The following NPFFR2 variants were observed in gnomAD, a reference collection of about 807,000 sequenced individuals.
The protein encoded by NPFFR2 is neuropeptide FF receptor 2.
In NPFFR2, 15 loss-of-function variants were observed where a neutral mutation model predicts 13.1. That is an observed-to-expected ratio of 1.15 (90% confidence interval 0.77 to 1.76). The LOEUF is 1.76. Ranked by LOEUF, NPFFR2 falls within the 40% of genes most tolerant of loss-of-function variation. NPFFR2 has a pLI of 0.00. For synonymous variants in NPFFR2, 190 were observed against 175.7 expected, an observed-to-expected ratio of 1.08 and a Z score of -0.65; for missense variants, 572 against 503.5, an observed-to-expected ratio of 1.14 and a Z score of -1.30.
chr4:72,081,399 A>G (rs898374817), intron 1 of NPFFR2, among the ~76,000 whole-genome samples: 5 of 151,852 alleles, frequency 3.3e-5, no homozygotes, highest in Non-Finnish European at 4.4e-5. Context: ...TCCATATTCC[A>G]TTATGTTTCT....
chr4:72,136,219 G>A (rs902930073), intron 2 of NPFFR2, among the ~76,000 whole-genome samples: 1 of 152,096 alleles, frequency 6.6e-6, no homozygotes, highest in African/African-American at 2.4e-5. Flanking sequence ...AATAACTGGT[G>A]TGGTGGACTG....
intron 1 of NPFFR2, among the ~76,000 whole-genome samples, chr4:72,045,894 A>AT (rs1719365030): frequency 6.6e-6 from 1 of 152,162 alleles, no homozygotes; most frequent in African/African-American, 2.4e-5. Context: ...AGTAATGAAG[A>AT]TTTTTACTTG....
intron 1 of NPFFR2, among the ~76,000 whole-genome samples, chr4:72,062,544 G>A (rs535503067): frequency 1.3e-4 from 19 of 151,518 alleles, no homozygotes; most frequent in Admixed American, 6.6e-4. Context: ...AAAAGAAGTC[G>A]TGAGTCTTCA....
chr4:72,062,156 G>A (rs1333948514), intron 1 of NPFFR2, among the ~76,000 whole-genome samples: 7 of 151,808 alleles, frequency 4.6e-5, no homozygotes, highest in Non-Finnish European at 1.0e-4. Context: ...TTATGTTTGA[G>A]GCTAAATATA....
intron 2 of NPFFR2, among the ~76,000 whole-genome samples, chr4:72,132,409 T>A (rs987574858): frequency 7.9e-5 from 12 of 152,220 alleles, no homozygotes; most frequent in African/African-American, 2.9e-4. Flanking sequence ...TGATGGGTAT[T>A]TAGATTGATT....
chr4:72,040,590 A>G (rs1719180288), intron 1 of NPFFR2, among the ~76,000 whole-genome samples: 1 of 152,102 alleles, frequency 6.6e-6, no homozygotes, highest in South Asian at 2.1e-4. Context: ...TTCTTCACAA[A>G]TGTTCTTAGC....
chr4:72,058,627 C>T (rs1201772789), intron 1 of NPFFR2, among the ~76,000 whole-genome samples: 1 of 151,982 alleles, frequency 6.6e-6, no homozygotes, highest in African/African-American at 2.4e-5. Context: ...GAAAATAAGA[C>T]AACTTCTGGA....
chr4:72,146,790 G>T (rs777011891), intron 3 of NPFFR2, among the ~76,000 whole-genome samples, 188 bp from the exon 4 acceptor site: 1 of 152,038 alleles, frequency 6.6e-6, no homozygotes, highest in African/African-American at 2.4e-5. Context: ...TTCAAATTTT[G>T]AATTAAAATT....
chr4:72,050,515 A>C (rs1001228444), intron 1 of NPFFR2, among the ~76,000 whole-genome samples: 3 of 151,952 alleles, frequency 2.0e-5, no homozygotes, highest in Non-Finnish European at 4.4e-5. Context: ...GCAGCAATAA[A>C]ATACCAAATT....
At chr4:72,050,666 G>C (rs1719522002) in intron 1 of NPFFR2, among the ~76,000 whole-genome samples, 1 of 151,810 alleles carries the variant, frequency 6.6e-6, no homozygotes, top group South Asian at 2.1e-4. Flanking sequence ...ACAATGTGCA[G>C]GTTAGTTACA....
chr4:72,049,877 A>G (rs947576354), intron 1 of NPFFR2, among the ~76,000 whole-genome samples: 13 of 151,984 alleles, frequency 8.6e-5, no homozygotes, highest in African/African-American at 3.1e-4. Context: ...TAAAAATGTG[A>G]AAGAATAACC....
intron 1 of NPFFR2, among the ~76,000 whole-genome samples, chr4:72,108,141 T>C (rs1450759753): frequency 6.6e-6 from 1 of 151,982 alleles, no homozygotes; most frequent in Non-Finnish European, 1.5e-5. Flanking sequence ...CAGTGTTATA[T>C]ACCACAGCAG....
chr4:72,052,177 G>A (rs1578423726), intron 1 of NPFFR2, among the ~76,000 whole-genome samples: 1 of 56,672 alleles, frequency 1.8e-5, no homozygotes, highest in African/African-American at 4.6e-5. Flanking sequence ...CCAAAGCCGG[G>A]CAGAGACACA....
In NPFFR2 at chr4:72,147,750, A is replaced by G; in HGVS notation, c.1201A>G (p.Lys401Glu). 1 of 1,600,316 alleles carries G rather than the reference A, an allele frequency of 6.2e-7. No homozygotes were observed. The highest frequency in any genetic ancestry group is 1.1e-5 in the South Asian group (1 of 87,570). ...CTTGCTTTATAGGAAAAGTGCTGAA[A>G]AACCCCAACAGGAATTAGTGATGGA... The part of the protein sequence containing the change: ...ETLLYRKSAE[K>E]PQQELVMEEL... Residue 401 changes from lysine (K) to glutamate (E), a missense_variant, in exon 4 of 4, where the codon AAA becomes GAA. By Grantham distance (56) the Lys-to-Glu change is moderately conservative. Transcript: ENST00000308744.
chr4:72,065,612 ACT>A (rs1311409039), intron 1 of NPFFR2, among the ~76,000 whole-genome samples: 1 of 152,126 alleles, frequency 6.6e-6, no homozygotes, highest in Non-Finnish European at 1.5e-5. Flanking sequence ...CTTCTAAGAC[ACT>A]CTCTTTCAGC....
chr4:72,052,923 C>G (rs1458278630), intron 1 of NPFFR2, among the ~76,000 whole-genome samples: 1 of 151,924 alleles, frequency 6.6e-6, no homozygotes, highest in Non-Finnish European at 1.5e-5. Flanking sequence ...AATTGACAAT[C>G]AGAAAATCTT....
chr4:72,103,083 A>G (rs892186599), intron 1 of NPFFR2, among the ~76,000 whole-genome samples: 1 of 152,148 alleles, frequency 6.6e-6, no homozygotes, highest in Non-Finnish European at 1.5e-5. Context: ...GTGAGATGAT[A>G]TCTCATTGTG....
At chr4:72,081,410 CCCTT>C (rs1394473765) in intron 1 of NPFFR2, among the ~76,000 whole-genome samples, 1 of 152,054 alleles carries the variant, frequency 6.6e-6, no homozygotes, top group Non-Finnish European at 1.5e-5. Flanking sequence ...TTATGTTTCT[CCCTT>C]CCTGACTGAA....
rs551199122 is a variant in NPFFR2 at position 72,085,002 on chromosome 4, C to A, written c.-7-43583C>A. 5.9e-5 allele frequency among the ~76,000 whole-genome samples: 9 copies of A among 152,002 alleles called. No homozygotes were observed. The East Asian group carries it at 1.7e-3, about 29-fold the overall frequency. On this transcript the variant is annotated intron_variant, in intron 1 of 3. Transcript: ENST00000308744. ...TGCATTAGGTGGAATCCAAAAATTA[C>A]AGACAATCATGCTGTTCTTTATTCG... is the stretch of plus-strand genomic sequence containing the variant.
Sources: allele counts gnomAD v4.1 joint callset (sites outside exome capture counted in the v4.1 genomes callset), GRCh38; gene constraint gnomAD v4.1.1; transcripts MANE v1.5; gene names NCBI Gene and HGNC (gene_info 2026-07-23, HGNC 2026-07-21).